Variants in DSE observed in about 807,000 individuals in gnomAD.
The protein encoded by DSE is dermatan-sulfate epimerase.
In DSE, 36 loss-of-function variants were observed where a neutral mutation model predicts 84.4. The observed-to-expected ratio is 0.43, with a 90% CI of 0.33 to 0.56. The LOEUF (loss-of-function observed/expected upper bound fraction) is 0.56. Among genes scored for constraint, DSE ranks in the 20% least tolerant of loss-of-function variants. The pLI is 0.06. For synonymous variants in DSE, 410 were observed against 430.1 expected (o/e 0.95, Z 0.58); for missense variants, 862 against 1,169.6 (o/e 0.74, Z 3.84).
Position 116,297,149 on chromosome 6 carries a change from C to T in DSE, c.-54+38182C>T, listed in dbSNP as rs138064070. On this transcript the variant is annotated intron_variant, in intron 2 of 3. Transcript: ENST00000430252. The stretch of plus-strand genomic sequence containing the variant: ...CATGCACTGTTTCAGTGTGTGCTGA[C>T]GGCTTCCTACTGCCAGGCCAGAATG... Among the ~76,000 whole-genome samples, 1,206 of 152,208 alleles carry T rather than the reference C, an allele frequency of 7.9e-3. 23 individuals are homozygous for T. The highest frequency in any genetic ancestry group is 0.052 in the South Asian group (252 of 4,824).
chr6:116,274,722 T>C (rs1049622044), intron 2 of DSE, among the ~76,000 whole-genome samples: 1 of 152,216 alleles, frequency 6.6e-6, no homozygotes, highest in Non-Finnish European at 1.5e-5. Flanking sequence ...GCACAGTACA[T>C]TTTGCAAAAT....
chr6:116,291,426 A>G (rs1265741632), intron 2 of DSE, among the ~76,000 whole-genome samples: 1 of 152,006 alleles, frequency 6.6e-6, no homozygotes, highest in Non-Finnish European at 1.5e-5. Context: ...GTTGACTAAA[A>G]TACCCTGAAC....
chr6:116,359,504 T>C (rs949748417), intron 2 of DSE, among the ~76,000 whole-genome samples: 4 of 152,230 alleles, frequency 2.6e-5, no homozygotes, highest in East Asian at 3.8e-4. Flanking sequence ...TCAGCTACTG[T>C]AGTTATATAG....
intron 1 of DSE, chr6:116,255,729 T>C (rs139899332): frequency 2.4e-4 from 36 of 152,372 alleles, no homozygotes; most frequent in African/African-American, 8.4e-4. Context: ...CTTTGCACTG[T>C]TGAAAGAGTA....
chr6:116,263,146 AGTTCAGGTCCT>A (rs1298479129), intron 2 of DSE, among the ~76,000 whole-genome samples: 1 of 152,182 alleles, frequency 6.6e-6, no homozygotes, highest in Admixed American at 6.5e-5. Flanking sequence ...TTCAGTGCTG[AGTTCAGGTCCT>A]AAATATCTTT....
rs1449289695 is a variant in DSE, at chr6:116,433,518, G to A, written c.1086G>A (p.Gln362=). Reference sequence around the variant, plus strand: ...GTCCAGGAACACCATCCAAAGGGCAGCGCTGGTGCACTCTGCACACAGAAT... The same window carrying A: ...GTCCAGGAACACCATCCAAAGGGCAACGCTGGTGCACTCTGCACACAGAAT... ...VEGPGTPSKG[Q]RWCTLHTEFL... Residue 362 remains glutamine, a synonymous_variant, in exon 5 of 6, where the codon CAG becomes CAA. Coordinates refer to ENST00000644252, the MANE Select transcript of DSE (RefSeq NM_013352.4). 1 of 1,576,684 alleles carries A rather than the reference G, an allele frequency of 6.3e-7. No individual in the cohort carries two copies. The highest frequency in any genetic ancestry group is 2.3e-5 in the East Asian group (1 of 43,540).
intron 1 of DSE, among the ~76,000 whole-genome samples, chr6:116,254,605 A>C (rs1336120755): frequency 2.0e-5 from 3 of 152,248 alleles, no homozygotes; most frequent in Non-Finnish European, 4.4e-5. Context: ...AACAAGACAT[A>C]ATAAAGGAAT....
intron 2 of DSE, among the ~76,000 whole-genome samples, chr6:116,413,792 CA>C (rs1457990965): frequency 6.6e-6 from 1 of 152,170 alleles, no homozygotes; most frequent in African/African-American, 2.4e-5. Flanking sequence ...AATATCATTT[CA>C]CGTATGCTAG....
At chr6:116,279,315 G>A (rs1242585288) in intron 2 of DSE, 4 of 1,598,914 alleles carry the variant, frequency 2.5e-6, no homozygotes, top group Non-Finnish European at 2.6e-6. Flanking sequence ...CCACCTCAGC[G>A]CTCTCCCTCT....
At chr6:116,367,509 C>T (rs1475181643), upstream of DSE, among the ~76,000 whole-genome samples, 1 of 152,092 alleles carries the variant, frequency 6.6e-6, no homozygotes. Context: ...TATTGTTACT[C>T]TGTTATTTTA....
Position 116,399,190 on chromosome 6 carries a change from T to C in DSE, c.-53-8T>C. On this transcript the variant is annotated splice_region_variant and splice_polypyrimidine_tract_variant and intron_variant, in intron 1 of 5. Coordinates refer to ENST00000644252, the MANE Select transcript of DSE (RefSeq NM_013352.4). ...ACAGACACTTTTTTTCCTTTTTATCTCACGTAGGATCTTTCGAAGATGGTT... is the reference window on the plus strand; with the variant it reads ...ACAGACACTTTTTTTCCTTTTTATCCCACGTAGGATCTTTCGAAGATGGTT... The C allele has an allele frequency of 6.2e-7, 1 of 1,603,656 alleles. No homozygotes were observed.
At chr6:116,338,600 G>A (rs188678249) in intron 2 of DSE, among the ~76,000 whole-genome samples, 1 of 152,180 alleles carries the variant, frequency 6.6e-6, no homozygotes, top group East Asian at 1.9e-4. Flanking sequence ...TTCACAGACA[G>A]AACCAAAGAT....
chr6:116,278,746 T>C (rs1562197540), intron 2 of DSE: 1 of 1,614,136 alleles, frequency 6.2e-7, no homozygotes, highest in Non-Finnish European at 8.5e-7. Context: ...GGACTGGGGT[T>C]CATGCCCCCT....
chr6:116,342,291 T>TG (rs1777650011), intron 2 of DSE, among the ~76,000 whole-genome samples: 3 of 151,254 alleles, frequency 2.0e-5, no homozygotes. Context: ...GTTTTTTTTT[T>TG]TTTTTCGAGA....
chr6:116,411,203 A>C (rs1782330915), intron 2 of DSE, among the ~76,000 whole-genome samples: 1 of 152,188 alleles, frequency 6.6e-6, no homozygotes, highest in Non-Finnish European at 1.5e-5. Context: ...TCATAAAAAA[A>C]TATATCCAAT....
chr6:116,279,958 C>G (rs1376770619), intron 2 of DSE: 5 of 1,355,032 alleles, frequency 3.7e-6, no homozygotes, highest in Non-Finnish European at 1.0e-6. Context: ...GTCGTCAGGA[C>G]TGGAGATCTC....
intron 2 of DSE, among the ~76,000 whole-genome samples, chr6:116,269,114 C>T (rs1227056526): frequency 1.3e-5 from 2 of 152,028 alleles, no homozygotes; most frequent in Non-Finnish European, 2.9e-5. Flanking sequence ...TGACCCCACA[C>T]CTTTGTATGC....
At chr6:116,345,776 A>G (rs1777921494) in intron 2 of DSE, among the ~76,000 whole-genome samples, 1 of 152,218 alleles carries the variant, frequency 6.6e-6, no homozygotes, top group Non-Finnish European at 1.5e-5. Flanking sequence ...ATCAGAGCAG[A>G]ACTGAAGGAG....
chr6:116,269,505 A>G (rs1318011400), intron 2 of DSE, among the ~76,000 whole-genome samples: 2 of 152,322 alleles, frequency 1.3e-5, no homozygotes, highest in East Asian at 3.9e-4. Flanking sequence ...TTTGTGGAAG[A>G]AAAGAAGAGT....
Sources: gnomAD v4.1 joint callset for allele counts (sites outside exome capture counted in the v4.1 genomes callset) on GRCh38, gnomAD v4.1.1 for gene constraint, MANE v1.5 for transcripts, NCBI Gene and HGNC (gene_info 2026-07-23, HGNC 2026-07-21) for gene names.